Variants in SPANXN4 observed in about 807,000 individuals in gnomAD.
SPANXN4 encodes SPANX family member N4, also known as sperm protein associated with the nucleus on the X chromosome N4.
Under a neutral mutation model 6.0 loss-of-function variants are expected in SPANXN4, and 5 were observed. The ratio of observed to expected loss-of-function variants is 0.83; its 90% CI spans 0.44 to 1.75. The LOEUF is 1.75. SPANXN4 is among the 40% of genes most tolerant of loss of function. The probability of loss-of-function intolerance (pLI) is 0.02; values close to 1 mark genes in which losing one functional copy is unlikely to be tolerated. For missense variants in SPANXN4, 157 were observed against 108.6 expected (o/e 1.45, Z -1.98); for synonymous variants, 45 against 38.0 (o/e 1.19, Z -0.68).
chrX:143,031,666 C>A (rs192634934), intron 1 of SPANXN4, among the ~76,000 whole-genome samples: 31 of 111,845 alleles, frequency 2.8e-4, no homozygotes, highest in African/African-American at 9.4e-4. Context: ...TGAATGGCAG[C>A]TGCCAGCATT....
intron 1 of SPANXN4, among the ~76,000 whole-genome samples, chrX:143,031,199 G>T (rs762415836): frequency 2.7e-5 from 3 of 110,956 alleles, no homozygotes; most frequent in African/African-American, 6.6e-5. Flanking sequence ...GTGAAGGAGG[G>T]TGTTGAATAG....
chrX:143,029,049 G>A (rs1376480974), intron 1 of SPANXN4, among the ~76,000 whole-genome samples: 1 of 111,200 alleles, frequency 9.0e-6, no homozygotes, highest in African/African-American at 3.3e-5. Context: ...AGTGGGGTTT[G>A]TTCCGCGTGG....
intron 1 of SPANXN4, 37 bp from the exon 2 acceptor site, chrX:143,033,988 A>T: frequency 8.9e-7 from 1 of 1,123,308 alleles, no homozygotes; most frequent in Non-Finnish European, 1.2e-6. Context: ...TTCATCCAAA[A>T]TAACACCATT....
intron 1 of SPANXN4, among the ~76,000 whole-genome samples, 169 bp downstream of exon 1, chrX:143,026,261 TG>T (rs763342276): frequency 4.5e-5 from 5 of 111,069 alleles, no homozygotes; most frequent in Non-Finnish European, 9.4e-5. Flanking sequence ...TAGGTATGGG[TG>T]GGAGAGGTTT....
intron 1 of SPANXN4, among the ~76,000 whole-genome samples, chrX:143,029,333 G>A (rs1198572852): frequency 9.0e-6 from 1 of 111,453 alleles, no homozygotes; most frequent in Non-Finnish European, 1.9e-5. Flanking sequence ...GATGTACCAC[G>A]CATATTTGGA....
chrX:143,028,469 TGAA>T (rs1932790491), intron 1 of SPANXN4, among the ~76,000 whole-genome samples: 1 of 110,895 alleles, frequency 9.0e-6, no homozygotes, highest in East Asian at 2.9e-4. Context: ...TTTAATTACA[TGAA>T]GATTAGGGGA....
At chrX:143,034,811 AACTCTAGGTGG>A, downstream of SPANXN4, 3 of 970,961 alleles carry the variant, frequency 3.1e-6, no homozygotes, top group Non-Finnish European at 3.9e-6. Flanking sequence ...CTTGTTAAGA[AACTCTAGGTGG>A]AGCAGTCACC....
At chrX:143,029,940 A>G (rs2124364900) in intron 1 of SPANXN4, among the ~76,000 whole-genome samples, 1 of 111,790 alleles carries the variant, frequency 8.9e-6, no homozygotes, top group African/African-American at 3.3e-5. Flanking sequence ...GCGTCGCCGT[A>G]TATTTGGCAG....
exon 3 of SPANXN4, chrX:143,034,701 C>T: frequency 8.8e-7 from 1 of 1,131,171 alleles, no homozygotes; most frequent in Non-Finnish European, 1.2e-6. Flanking sequence ...AACTGAAGGT[C>T]CTCAAAAGGA....
intron 2 of SPANXN4, 27 bp downstream of exon 2, chrX:143,034,338 T>G: frequency 9.7e-7 from 1 of 1,035,917 alleles, no homozygotes; most frequent in South Asian, 2.4e-5. Context: ...TGCCTTTTTT[T>G]CTGATGGTGG....
At chrX:143,038,009 T>G (rs1225909049), downstream of SPANXN4, among the ~76,000 whole-genome samples, 8 of 111,761 alleles carry the variant, frequency 7.2e-5, no homozygotes, top group Non-Finnish European at 1.3e-4. Context: ...GATACATCTA[T>G]AGAATCTATA....
chrX:143,034,109 T>C, exon 2 of SPANXN4: 1 of 1,179,398 alleles, frequency 8.5e-7, no homozygotes, highest in Non-Finnish European at 1.1e-6. Context: ...ATTAGTGTTT[T>C]ACTGCAGGAA....
downstream of SPANXN4, among the ~76,000 whole-genome samples, chrX:143,037,680 A>C (rs754728463): frequency 9.0e-6 from 1 of 111,479 alleles, no homozygotes. Context: ...TAATCCCCAT[A>C]ATTTCCATGT....
chrX:143,035,987 T>C (rs1468159577), downstream of SPANXN4, among the ~76,000 whole-genome samples: 6 of 104,291 alleles, frequency 5.8e-5, no homozygotes, highest in Non-Finnish European at 1.2e-4. Context: ...CTTATTTATA[T>C]AGTCCACATA....
chrX:143,032,422 T>G (rs1932815663), intron 1 of SPANXN4, among the ~76,000 whole-genome samples: 1 of 107,356 alleles, frequency 9.3e-6, no homozygotes, highest in Non-Finnish European at 1.9e-5. Flanking sequence ...AGTAAAGGGG[T>G]GGAGGAGCCA....
chrX:143,037,280 C>G (rs1277405069), downstream of SPANXN4, among the ~76,000 whole-genome samples: 3 of 111,352 alleles, frequency 2.7e-5, no homozygotes, highest in Non-Finnish European at 5.7e-5. Context: ...ATGCTGATCC[C>G]AGAACCTACA....
At chrX:143,037,295 T>G (rs1234413198), downstream of SPANXN4, among the ~76,000 whole-genome samples, 19 of 111,527 alleles carry the variant, frequency 1.7e-4, no homozygotes, top group Non-Finnish European at 3.8e-5. Context: ...CCTACACACT[T>G]CACAATACCT....
downstream of SPANXN4, among the ~76,000 whole-genome samples, chrX:143,037,781 C>T (rs1178791572): frequency 9.0e-6 from 1 of 111,282 alleles, no homozygotes; most frequent in Admixed American, 9.6e-5. Context: ...CTCAGGAGAT[C>T]TGATGATTTT....
downstream of SPANXN4, among the ~76,000 whole-genome samples, chrX:143,037,226 A>C (rs889447878): frequency 9.0e-6 from 1 of 111,223 alleles, no homozygotes; most frequent in Non-Finnish European, 1.9e-5. Flanking sequence ...ATAAATGACT[A>C]AGTTCATATA....
Sources: gnomAD v4.1 joint callset for allele counts (sites outside exome capture counted in the v4.1 genomes callset) on GRCh38, gnomAD v4.1.1 for gene constraint, MANE v1.5 for transcripts, NCBI Gene and HGNC (gene_info 2026-07-23, HGNC 2026-07-21) for gene names.